The following INPP4B variants were observed in gnomAD, a reference collection of about 807,000 sequenced individuals.
The protein encoded by INPP4B is inositol polyphosphate-4-phosphatase type II B, also known as inositol polyphosphate 4-phosphatase type II.
In INPP4B, 55 loss-of-function variants were observed where a neutral mutation model predicts 122.5. The ratio of observed to expected loss-of-function variants is 0.45; its 90% confidence interval spans 0.36 to 0.56. The LOEUF is 0.56. INPP4B is among the 20% of genes least tolerant of loss of function. INPP4B has a pLI of 0.00. For synonymous variants in INPP4B, 403 were observed against 388.7 expected (o/e 1.04, Z -0.43); for missense variants, 1,000 against 1,097.7 (o/e 0.91, Z 1.26).
At chr4:142,708,349 G>T in intron 2 of INPP4B, among the ~76,000 whole-genome samples, 1 of 152,140 alleles carries the variant, frequency 6.6e-6, no homozygotes, top group Non-Finnish European at 1.5e-5. Context: ...ATTTGCATAG[G>T]TAAAGATGGA....
chr4:142,667,056 A>G (rs1055953616), intron 2 of INPP4B, among the ~76,000 whole-genome samples: 25 of 152,212 alleles, frequency 1.6e-4, no homozygotes, highest in Non-Finnish European at 3.4e-4. Flanking sequence ...GTGGTCTGGC[A>G]TTTGAAAGCC....
At chr4:142,084,605 T>C (rs1045923224) in intron 24 of INPP4B, among the ~76,000 whole-genome samples, 2 of 152,188 alleles carry the variant, frequency 1.3e-5, no homozygotes, top group Non-Finnish European at 2.9e-5. Context: ...AAATAGAATA[T>C]TGAAACTGAG....
intron 15 of INPP4B, among the ~76,000 whole-genome samples, chr4:142,183,253 T>C (rs902216660): frequency 7.2e-5 from 11 of 152,178 alleles, no homozygotes; most frequent in African/African-American, 2.7e-4. Flanking sequence ...TAATTTATCT[T>C]CTCTCCATCT....
At chr4:142,554,365 T>TA (rs11363091) in intron 2 of INPP4B, among the ~76,000 whole-genome samples, 1,350 of 123,482 alleles carry the variant, frequency 0.011, 28 homozygotes, top group African/African-American at 0.039. Flanking sequence ...CTTGCAATAG[T>TA]AAAAAAAAAA....
intron 11 of INPP4B, among the ~76,000 whole-genome samples, chr4:142,258,247 A>C (rs1267705495): frequency 1.3e-5 from 2 of 152,110 alleles, no homozygotes; most frequent in African/African-American, 4.8e-5. Flanking sequence ...AACCATAAAA[A>C]CCCTAGAAGA....
chr4:142,394,238 T>C (rs4626289), intron 7 of INPP4B, among the ~76,000 whole-genome samples: 112,678 of 152,082 alleles, frequency 0.74, 42,256 homozygotes, highest in East Asian at 0.88. Flanking sequence ...CTCCGCCTCC[T>C]GAGTTCATGC....
intron 2 of INPP4B, among the ~76,000 whole-genome samples, chr4:142,662,990 T>A (rs901117194): frequency 1.3e-5 from 2 of 152,180 alleles, no homozygotes; most frequent in Admixed American, 6.5e-5. Context: ...ATATTAATAG[T>A]CACATTTTTC....
chr4:142,323,777 G>C (rs529794853), intron 7 of INPP4B, among the ~76,000 whole-genome samples: 1 of 150,792 alleles, frequency 6.6e-6, no homozygotes, highest in East Asian at 2.0e-4. Flanking sequence ...TCAAGCCACT[G>C]TAAAAGCTCC....
intron 17 of INPP4B, among the ~76,000 whole-genome samples, chr4:142,157,690 T>G (rs375564217): frequency 2.8e-4 from 42 of 152,232 alleles, no homozygotes; most frequent in African/African-American, 9.6e-4. Flanking sequence ...GTGTTAAGAC[T>G]AGAAAATATT....
At chr4:142,092,608 C>G (rs1295747923) in intron 23 of INPP4B, among the ~76,000 whole-genome samples, 10 of 152,152 alleles carry the variant, frequency 6.6e-5, no homozygotes, top group Non-Finnish European at 1.5e-4. Context: ...TTGTTTTATA[C>G]TGCTGAGTCA....
chr4:142,632,453 G>A (rs888403319), intron 2 of INPP4B, among the ~76,000 whole-genome samples: 3 of 151,884 alleles, frequency 2.0e-5, no homozygotes, highest in Non-Finnish European at 4.4e-5. Flanking sequence ...TGAGGAGGGG[G>A]GAGATGAAGA....
chr4:142,256,353 T>A (rs1736050572), intron 11 of INPP4B, among the ~76,000 whole-genome samples: 1 of 149,848 alleles, frequency 6.7e-6, no homozygotes, highest in Non-Finnish European at 1.5e-5. Context: ...ATAACTAAAA[T>A]CAGAGCAGAA....
At chr4:142,566,005 T>TGGCATTCATTCAGTTC (rs1407136335) in intron 2 of INPP4B, 2 of 152,218 alleles carry the variant, frequency 1.3e-5, no homozygotes, top group Non-Finnish European at 2.9e-5. Context: ...ACTTTCAGTT[T>TGGCATTCATTCAGTTC]GGCATTCATT....
intron 2 of INPP4B, among the ~76,000 whole-genome samples, chr4:142,523,817 C>A (rs1050771039): frequency 3.9e-5 from 5 of 128,258 alleles, no homozygotes; most frequent in African/African-American, 1.5e-4. Context: ...CTCCCCCCAC[C>A]CCACAACAGT....
At chr4:142,353,523 G>A (rs1183321575) in intron 7 of INPP4B, among the ~76,000 whole-genome samples, 1 of 151,962 alleles carries the variant, frequency 6.6e-6, no homozygotes, top group Non-Finnish European at 1.5e-5. Context: ...GCCTTCCATA[G>A]GTGGCAATCA....
intron 11 of INPP4B, 123 bp downstream of exon 11, chr4:142,260,369 G>T: frequency 1.4e-6 from 1 of 689,966 alleles, no homozygotes; most frequent in South Asian, 1.7e-5. Flanking sequence ...GGCCCCTTAT[G>T]ATTTCCCAGT....
rs1213351170 is a variant in INPP4B, at chr4:142,630,891, T to TG, written c.-191+94947dup. 3.9e-5 allele frequency among the ~76,000 whole-genome samples: 6 copies of TG among 152,202 alleles called. No individual in the cohort carries two copies. The East Asian group carries it at 1.2e-3, about 29-fold the overall frequency. ...GAATTAAAAGTGAACATCTCTTTAC[T>TG]GGGACCGCAGCTTAGCTTCAAGCCA... On this transcript the variant is annotated intron_variant, in intron 2 of 25. Coordinates refer to ENST00000262992, the MANE Select transcript of INPP4B (RefSeq NM_001101669.3).
intron 2 of INPP4B, among the ~76,000 whole-genome samples, chr4:142,473,595 GC>G (rs1003127365): frequency 3.6e-4 from 55 of 152,314 alleles, no homozygotes; most frequent in African/African-American, 1.3e-3. Flanking sequence ...CAGCACAATA[GC>G]CCCAACAGAG....
chr4:142,262,892 C>T (rs974936863), intron 10 of INPP4B, among the ~76,000 whole-genome samples: 1 of 152,168 alleles, frequency 6.6e-6, no homozygotes, highest in Non-Finnish European at 1.5e-5. Flanking sequence ...AACAGTACTT[C>T]AAAGAACAGG....
Sources: allele counts gnomAD v4.1 joint callset (sites outside exome capture counted in the v4.1 genomes callset), GRCh38; gene constraint gnomAD v4.1.1; transcripts MANE v1.5; gene names NCBI Gene and HGNC (gene_info 2026-07-23, HGNC 2026-07-21).